RICTOR: variants seen among roughly 807,000 people sequenced by gnomAD.
RICTOR encodes the protein RPTOR independent companion of MTOR complex 2, also known as rapamycin-insensitive companion of mTOR.
RICTOR carries 49 observed loss-of-function variants against 214.9 expected under a neutral mutation model. That is an observed-to-expected ratio of 0.23 (90% CI 0.18 to 0.29). RICTOR has a LOEUF of 0.29. Ranked by LOEUF, RICTOR falls within the 10% of genes least tolerant of loss-of-function variation. RICTOR has a pLI of 1.00. For synonymous variants in RICTOR, 717 were observed against 711.3 expected (o/e 1.01, Z -0.13); for missense variants, 1,625 against 2,047.0 (o/e 0.79, Z 3.98).
At chr5:38,990,572 T>TACACG (rs1249635383) in intron 7 of RICTOR, among the ~76,000 whole-genome samples, 27 of 147,480 alleles carry the variant, frequency 1.8e-4, no homozygotes, top group South Asian at 1.1e-3. Context: ...ATACACGATA[T>TACACG]ATATGATATA....
intron 2 of RICTOR, among the ~76,000 whole-genome samples, chr5:39,061,884 T>C (rs754579313): frequency 6.6e-6 from 1 of 151,854 alleles, no homozygotes; most frequent in African/African-American, 2.4e-5. Context: ...TTCAAAACAA[T>C]GTTGAAATAT....
intron 3 of RICTOR, among the ~76,000 whole-genome samples, chr5:39,019,313 T>C (rs923726560): frequency 1.3e-5 from 2 of 152,268 alleles, no homozygotes; most frequent in African/African-American, 4.8e-5. Flanking sequence ...AATCTTCAAC[T>C]GGAAGAAGAC....
intron 2 of RICTOR, among the ~76,000 whole-genome samples, chr5:39,045,542 T>C (rs563092219): frequency 2.6e-5 from 4 of 152,154 alleles, no homozygotes; most frequent in Non-Finnish European, 5.9e-5. Flanking sequence ...TCCTTTATTA[T>C]AAGAGAAAAA....
chr5:38,992,448 G>GA (rs1752858923), intron 6 of RICTOR, among the ~76,000 whole-genome samples: 1 of 152,072 alleles, frequency 6.6e-6, no homozygotes, highest in African/African-American at 2.4e-5. Context: ...AGAGCTGGCT[G>GA]AAAAAACCGG....
chr5:39,067,976 C>T (rs1277400670), intron 2 of RICTOR, among the ~76,000 whole-genome samples: 1 of 152,136 alleles, frequency 6.6e-6, no homozygotes, highest in Non-Finnish European at 1.5e-5. Flanking sequence ...GGCCTCCTGC[C>T]CTCAAGAAGC....
chr5:38,965,602 G>GT (rs1750148331), intron 15 of RICTOR, among the ~76,000 whole-genome samples: 1 of 151,840 alleles, frequency 6.6e-6, no homozygotes, highest in Non-Finnish European at 1.5e-5. Context: ...ACAGGAAATG[G>GT]TATCTTTTAA....
chr5:38,979,403 A>G (rs1306451450), intron 8 of RICTOR, among the ~76,000 whole-genome samples: 1 of 152,162 alleles, frequency 6.6e-6, no homozygotes, highest in Non-Finnish European at 1.5e-5. Flanking sequence ...GAGATTAATA[A>G]CTACTTTTAA....
intron 34 of RICTOR, 40 bp from the exon 35 acceptor site, chr5:38,945,108 C>T (rs200042169): frequency 7.6e-5 from 106 of 1,390,374 alleles, no homozygotes; most frequent in Admixed American, 3.1e-4. Flanking sequence ...AGCACCATAA[C>T]GGCTTAATTC....
chr5:39,060,438 A>G (rs1459796906), intron 2 of RICTOR, among the ~76,000 whole-genome samples: 1 of 152,086 alleles, frequency 6.6e-6, no homozygotes, highest in Non-Finnish European at 1.5e-5. Flanking sequence ...AAATATAGGG[A>G]TAATAACTGC....
intron 2 of RICTOR, among the ~76,000 whole-genome samples, chr5:39,048,365 G>A (rs958392031): frequency 1.3e-5 from 2 of 152,222 alleles, no homozygotes; most frequent in African/African-American, 4.8e-5. Flanking sequence ...CTGTAAACTG[G>A]TAAGGTGGCT....
intron 2 of RICTOR, among the ~76,000 whole-genome samples, chr5:39,064,124 C>T (rs2150210477): frequency 6.6e-6 from 1 of 152,234 alleles, no homozygotes; most frequent in South Asian, 2.1e-4. Flanking sequence ...TACGTATTAA[C>T]TAGTTTTACA....
At chr5:38,970,526 A>G (rs1032961826) in intron 11 of RICTOR, 1 of 152,174 alleles carries the variant, frequency 6.6e-6, no homozygotes, top group Non-Finnish European at 1.5e-5. Context: ...TTCCATTTAT[A>G]ATTATATCCT....
chr5:38,973,602 G>A (rs374050805), intron 10 of RICTOR, among the ~76,000 whole-genome samples: 10 of 152,202 alleles, frequency 6.6e-5, no homozygotes, highest in African/African-American at 2.4e-4. Context: ...CCAGCTAAGC[G>A]TACAGATATT....
At chr5:38,987,152 C>T (rs72611686) in intron 7 of RICTOR, among the ~76,000 whole-genome samples, 3 of 152,102 alleles carry the variant, frequency 2.0e-5, no homozygotes, top group Non-Finnish European at 2.9e-5. Context: ...ATTTTCACAT[C>T]GATTTTCATC....
intron 2 of RICTOR, among the ~76,000 whole-genome samples, chr5:39,027,892 C>T (rs1015695553): frequency 2.6e-5 from 4 of 152,088 alleles, no homozygotes; most frequent in African/African-American, 9.7e-5. Context: ...AAAAAACATT[C>T]ACAGCACAAA....
intron 3 of RICTOR, among the ~76,000 whole-genome samples, chr5:39,011,327 A>T (rs1441266405): frequency 6.6e-6 from 1 of 152,176 alleles, no homozygotes; most frequent in Non-Finnish European, 1.5e-5. Flanking sequence ...GGTGTATGAA[A>T]ATGCTTGCAT....
At chr5:39,013,105 T>C (rs2150124187) in intron 3 of RICTOR, among the ~76,000 whole-genome samples, 1 of 152,164 alleles carries the variant, frequency 6.6e-6, no homozygotes, top group East Asian at 1.9e-4. Flanking sequence ...GATCCAACAT[T>C]TGATATTCCT....
At chr5:39,060,651 A>C (rs1758480573) in intron 2 of RICTOR, among the ~76,000 whole-genome samples, 1 of 152,008 alleles carries the variant, frequency 6.6e-6, no homozygotes, top group Admixed American at 6.6e-5. Context: ...CTCAAGTTAG[A>C]AAAGAACAGG....
In RICTOR at chr5:39,004,770, C is replaced by A. The variant is rs962471475; in HGVS notation, c.196-1148G>T. Among the ~76,000 whole-genome samples the A allele has an allele frequency of 2.1e-5, 3 of 146,104 alleles. No homozygotes were observed. The Admixed American group carries it at 2.1e-4, about 10-fold the overall frequency. On this transcript the variant is annotated intron_variant, in intron 3 of 37. Coordinates refer to ENST00000357387, the MANE Select transcript of RICTOR (RefSeq NM_152756.5). ...GCGTGAGCCACCGCACTGGGCCTCT[C>A]AGACTCTTTTTTTTTTTTTTTTTTT...
Sources: gnomAD v4.1 joint callset for allele counts (sites outside exome capture counted in the v4.1 genomes callset) on GRCh38, gnomAD v4.1.1 for gene constraint, MANE v1.5 for transcripts, NCBI Gene and HGNC (gene_info 2026-07-23, HGNC 2026-07-21) for gene names.